DLGAP2: variants seen among roughly 807,000 people sequenced by gnomAD.
DLGAP2 encodes the protein disks large-associated protein 2.
Under a neutral mutation model 100.3 loss-of-function variants are expected in DLGAP2, and 26 were observed. The observed-to-expected ratio is 0.26, with a 90% CI of 0.19 to 0.36. The LOEUF (loss-of-function observed/expected upper bound fraction) is 0.36, where lower values mean the gene tolerates loss of function less well. Among genes scored for constraint, DLGAP2 ranks in the 10% least tolerant of loss-of-function variants. DLGAP2 has a pLI of 1.00. For synonymous variants in DLGAP2, 886 were observed against 630.1 expected (o/e 1.41, Z -6.08); for missense variants, 1,858 against 1,453.2 (o/e 1.28, Z -4.53).
At chr8:1,496,634 C>G (rs921792222) in intron 3 of DLGAP2, among the ~76,000 whole-genome samples, 13 of 152,180 alleles carry the variant, frequency 8.5e-5, no homozygotes, top group African/African-American at 3.1e-4. Flanking sequence ...AGGGCCATCA[C>G]AGACCCTCTC....
chr8:1,199,918 A>C (rs530614147), intron 2 of DLGAP2, among the ~76,000 whole-genome samples: 1 of 150,544 alleles, frequency 6.6e-6, no homozygotes, highest in Non-Finnish European at 1.5e-5. Context: ...TGGTGATGAC[A>C]GCCACGAGGT....
At chr8:1,299,114 G>A (rs1800266702) in intron 3 of DLGAP2, among the ~76,000 whole-genome samples, 1 of 152,228 alleles carries the variant, frequency 6.6e-6, no homozygotes, top group Non-Finnish European at 1.5e-5. Flanking sequence ...ATCTAAATGT[G>A]TATGGTACAA....
intron 2 of DLGAP2, among the ~76,000 whole-genome samples, chr8:1,134,826 C>G (rs1029397042): frequency 1.3e-5 from 2 of 152,072 alleles, no homozygotes. Flanking sequence ...ATAATATAAA[C>G]CAGATCTCCT....
intron 1 of DLGAP2, among the ~76,000 whole-genome samples, chr8:839,134 T>G (rs970832563): frequency 7.2e-5 from 11 of 152,056 alleles, no homozygotes; most frequent in Admixed American, 2.0e-4. Context: ...GCTCTGTTGG[T>G]GGGAATGTAA....
intron 2 of DLGAP2, among the ~76,000 whole-genome samples, chr8:1,180,627 CAA>C (rs1797363251): frequency 6.6e-6 from 1 of 152,024 alleles, no homozygotes; most frequent in East Asian, 1.9e-4. Context: ...AGCACACCAT[CAA>C]GCGTGTCAGT....
intron 1 of DLGAP2, among the ~76,000 whole-genome samples, chr8:836,855 C>G (rs1400120362): frequency 6.6e-6 from 1 of 152,246 alleles, no homozygotes; most frequent in Admixed American, 6.5e-5. Flanking sequence ...AGACTCTGCG[C>G]TCGTCTCCTT....
At chr8:830,546 A>G (rs1475339065) in intron 1 of DLGAP2, among the ~76,000 whole-genome samples, 1 of 152,072 alleles carries the variant, frequency 6.6e-6, no homozygotes, top group Admixed American at 6.5e-5. Context: ...AATTCTTGGT[A>G]TAGTTCTTGG....
intron 3 of DLGAP2, among the ~76,000 whole-genome samples, chr8:1,280,289 G>C (rs73670706): frequency 6.6e-6 from 1 of 152,000 alleles, no homozygotes; most frequent in Non-Finnish European, 1.5e-5. Flanking sequence ...GTTTATAGCC[G>C]GGCTGTACTC....
chr8:1,587,297 C>G (rs1445980377), intron 6 of DLGAP2, among the ~76,000 whole-genome samples: 1 of 152,132 alleles, frequency 6.6e-6, no homozygotes, highest in Non-Finnish European at 1.5e-5. Context: ...ATAACTTTGC[C>G]TATAGTGGTC....
intron 2 of DLGAP2, among the ~76,000 whole-genome samples, chr8:1,050,610 C>G (rs868382757): frequency 2.6e-5 from 4 of 152,216 alleles, no homozygotes; most frequent in African/African-American, 9.6e-5. Flanking sequence ...TGTTCTTAGA[C>G]TACAGGAATA....
chr8:1,257,263 G>A (rs1379952398), intron 2 of DLGAP2, among the ~76,000 whole-genome samples: 6 of 151,928 alleles, frequency 3.9e-5, no homozygotes, highest in Non-Finnish European at 7.4e-5. Flanking sequence ...CTCCGTCCCC[G>A]CCCCGCCCAG....
chr8:1,559,177 G>A (rs1258689360), intron 5 of DLGAP2, among the ~76,000 whole-genome samples: 2 of 152,194 alleles, frequency 1.3e-5, no homozygotes, highest in African/African-American at 4.8e-5. Flanking sequence ...CTAGGTACAA[G>A]GAGGTAATTA....
At chr8:944,201 G>A (rs2129005923) in intron 2 of DLGAP2, among the ~76,000 whole-genome samples, 1 of 152,256 alleles carries the variant, frequency 6.6e-6, no homozygotes, top group Non-Finnish European at 1.5e-5. Context: ...GTCCCTGTGA[G>A]TGATTCACTG....
At chr8:1,464,589 T>G (rs1313003183) in intron 3 of DLGAP2, among the ~76,000 whole-genome samples, 2 of 151,058 alleles carry the variant, frequency 1.3e-5, no homozygotes, top group African/African-American at 4.9e-5. Context: ...CCAGGACAGC[T>G]CCCTTCCTGC....
intron 3 of DLGAP2, among the ~76,000 whole-genome samples, chr8:1,407,766 G>T (rs1254581261): frequency 1.3e-5 from 2 of 148,176 alleles, no homozygotes; most frequent in Non-Finnish European, 3.0e-5. Context: ...CGTGTATTGA[G>T]TGCTTACTGA....
chr8:1,306,835 G>A (rs751861402), intron 3 of DLGAP2, among the ~76,000 whole-genome samples: 1 of 152,106 alleles, frequency 6.6e-6, no homozygotes, highest in Non-Finnish European at 1.5e-5. Context: ...AGAGAAACTG[G>A]ATATCAACAT....
At chr8:1,491,233 T>G (rs1412928873) in intron 3 of DLGAP2, among the ~76,000 whole-genome samples, 1 of 152,082 alleles carries the variant, frequency 6.6e-6, no homozygotes, top group Non-Finnish European at 1.5e-5. Flanking sequence ...TCTCTGAAAT[T>G]CACATGTAAC....
intron 2 of DLGAP2, among the ~76,000 whole-genome samples, chr8:1,188,511 C>T (rs1797564755): frequency 6.7e-6 from 1 of 149,440 alleles, no homozygotes; most frequent in African/African-American, 2.5e-5. Flanking sequence ...TCTCACACGC[C>T]CGGGACCTCT....
intron 2 of DLGAP2, among the ~76,000 whole-genome samples, chr8:1,080,654 G>A (rs971984467): frequency 1.3e-5 from 2 of 152,186 alleles, no homozygotes; most frequent in Non-Finnish European, 2.9e-5. Context: ...TCTGTCCTTC[G>A]TGCTGAACGC....
Sources: gnomAD v4.1 joint callset for allele counts (sites outside exome capture counted in the v4.1 genomes callset) on GRCh38, gnomAD v4.1.1 for gene constraint, MANE v1.5 for transcripts, NCBI Gene and HGNC (gene_info 2026-07-23, HGNC 2026-07-21) for gene names.